Variants in LRRC7 observed in about 807,000 individuals in gnomAD.
LRRC7 encodes leucine rich repeat containing 7.
Under a neutral mutation model 175.7 loss-of-function variants are expected in LRRC7, and 23 were observed. That is an observed-to-expected ratio of 0.13 (90% confidence interval 0.09 to 0.19). LRRC7 has a LOEUF of 0.19. LRRC7 is among the 10% of genes least tolerant of loss of function. The probability of loss-of-function intolerance (pLI) is 1.00; values close to 1 mark genes in which losing one functional copy is unlikely to be tolerated. For synonymous variants in LRRC7, 685 were observed against 680.9 expected (o/e 1.01, Z -0.09); for missense variants, 1,354 against 1,904.7 (o/e 0.71, Z 5.38).
At chr1:69,859,332 T>G (rs571275689) in intron 7 of LRRC7, among the ~76,000 whole-genome samples, 1 of 152,266 alleles carries the variant, frequency 6.6e-6, no homozygotes, top group South Asian at 2.1e-4. Flanking sequence ...AGTAAGTACA[T>G]GCATCATGAT....
At chr1:70,093,732 A>T (rs17131194) in intron 25 of LRRC7, among the ~76,000 whole-genome samples, 3,873 of 152,298 alleles carry the variant, frequency 0.025, 193 homozygotes, top group African/African-American at 0.09. Context: ...CTAAGCAATT[A>T]TATAACTTGT....
intron 2 of LRRC7, among the ~76,000 whole-genome samples, chr1:69,738,954 G>A (rs1010222144): frequency 6.6e-6 from 1 of 151,988 alleles, no homozygotes; most frequent in African/African-American, 2.4e-5. Context: ...CCTTAAAGAG[G>A]AAAATCGGAC....
intron 1 of LRRC7, among the ~76,000 whole-genome samples, chr1:69,655,963 A>G (rs1278017220): frequency 6.6e-6 from 1 of 152,040 alleles, no homozygotes; most frequent in African/African-American, 2.4e-5. Flanking sequence ...TATTGAAATT[A>G]ATGTTTCATA....
chr1:69,664,351 T>C (rs187896760), intron 1 of LRRC7, among the ~76,000 whole-genome samples: 132 of 152,296 alleles, frequency 8.7e-4, no homozygotes, highest in Admixed American at 2.0e-3. Context: ...ATAAAGTAGC[T>C]GTTTTATTTT....
At chr1:69,747,443 T>G (rs927555999) in intron 2 of LRRC7, among the ~76,000 whole-genome samples, 2 of 152,078 alleles carry the variant, frequency 1.3e-5, no homozygotes, top group Non-Finnish European at 2.9e-5. Flanking sequence ...GTAATTATAG[T>G]GAAGATAGCA....
At chr1:69,715,632 T>A (rs913926856) in intron 2 of LRRC7, among the ~76,000 whole-genome samples, 1 of 152,048 alleles carries the variant, frequency 6.6e-6, no homozygotes, top group African/African-American at 2.4e-5. Flanking sequence ...CATTTAGTTT[T>A]GTTTTAATGA....
At chr1:69,682,194 C>A (rs989533481) in intron 2 of LRRC7, among the ~76,000 whole-genome samples, 5 of 152,112 alleles carry the variant, frequency 3.3e-5, no homozygotes, top group Non-Finnish European at 4.4e-5. Flanking sequence ...TCCCTCTTCT[C>A]AGGGAGAATT....
intron 3 of LRRC7, among the ~76,000 whole-genome samples, chr1:69,789,083 C>CT (rs985818146): frequency 3.9e-5 from 6 of 152,118 alleles, no homozygotes; most frequent in African/African-American, 1.4e-4. Context: ...ACTTTTGAGG[C>CT]TTTTTTCTTT....
chr1:69,699,782 A>G (rs1290115627), intron 2 of LRRC7, among the ~76,000 whole-genome samples: 2 of 152,100 alleles, frequency 1.3e-5, no homozygotes, highest in Admixed American at 6.6e-5. Context: ...AAACTCGCAC[A>G]TTTTTTGCTT....
intron 3 of LRRC7, among the ~76,000 whole-genome samples, chr1:69,780,156 T>C (rs1463946817): frequency 5.3e-5 from 8 of 152,322 alleles, no homozygotes; most frequent in African/African-American, 1.9e-4. Context: ...AGTCACTTCG[T>C]TGCATATGAA....
chr1:69,766,035 C>CAA (rs34620947), intron 3 of LRRC7, among the ~76,000 whole-genome samples: 5 of 129,354 alleles, frequency 3.9e-5, no homozygotes, highest in African/African-American at 1.4e-4. Context: ...ATCAACAGAC[C>CAA]AAAAAAAAAA....
chr1:69,760,417 T>C, intron 3 of LRRC7, 24 bp downstream of exon 3: 3 of 1,569,420 alleles, frequency 1.9e-6, no homozygotes, highest in Non-Finnish European at 2.6e-6. Context: ...ACCTAAAATA[T>C]ACAATGTAAA....
At chr1:69,609,239 T>A (rs1229134889) in intron 1 of LRRC7, among the ~76,000 whole-genome samples, 6 of 151,988 alleles carry the variant, frequency 3.9e-5, no homozygotes, top group Non-Finnish European at 8.8e-5. Flanking sequence ...GAAACTATGA[T>A]ATACTCCAGT....
At chr1:69,886,170 C>G in intron 7 of LRRC7, among the ~76,000 whole-genome samples, 1 of 151,846 alleles carries the variant, frequency 6.6e-6, no homozygotes, top group East Asian at 1.9e-4. Flanking sequence ...CCTGGGTATC[C>G]TTGTTAACTT....
chr1:69,768,962 A>T (rs565152494), intron 3 of LRRC7, among the ~76,000 whole-genome samples: 12 of 152,126 alleles, frequency 7.9e-5, no homozygotes, highest in Non-Finnish European at 1.5e-4. Flanking sequence ...ATGTTTGGGG[A>T]TGTGGGGTGG....
At position 70,135,913 on chromosome 1, in the gene LRRC7, T is replaced by C. The variant is rs1409741660; in HGVS notation, c.*14026T>C. 6.6e-6 allele frequency among the ~76,000 whole-genome samples: 1 copy of C among 152,222 alleles called. No individual in the cohort carries two copies. Among genetic ancestry groups the C allele is most frequent in the South Asian group, 2.1e-4 (1 of 4,830 alleles). On this transcript the variant is annotated 3_prime_UTR_variant, in exon 27 of 27. Transcript: ENST00000651989. ...TTGATAGGTTCTCACAGTCTCATTA[T>C]GATCAAGACAGATATTCTAGCAGGA... is the stretch of plus-strand genomic sequence containing the variant.
intron 2 of LRRC7, among the ~76,000 whole-genome samples, chr1:69,702,376 G>A (rs551719406): frequency 6.6e-6 from 1 of 152,286 alleles, no homozygotes; most frequent in Non-Finnish European, 1.5e-5. Flanking sequence ...TTTGTGATCA[G>A]CAACATTTTT....
chr1:69,748,012 T>C (rs1669441956), intron 2 of LRRC7, among the ~76,000 whole-genome samples: 1 of 152,182 alleles, frequency 6.6e-6, no homozygotes, highest in African/African-American at 2.4e-5. Flanking sequence ...CAGGCTTGTA[T>C]GTTTCATGAA....
chr1:69,674,221 G>A (rs574468487), intron 1 of LRRC7, among the ~76,000 whole-genome samples: 2 of 152,084 alleles, frequency 1.3e-5, no homozygotes, highest in East Asian at 3.9e-4. Flanking sequence ...TGAATCTCAG[G>A]TATTCACTCC....
Sources: gnomAD v4.1 joint callset for allele counts (sites outside exome capture counted in the v4.1 genomes callset) on GRCh38, gnomAD v4.1.1 for gene constraint, MANE v1.5 for transcripts, NCBI Gene and HGNC (gene_info 2026-07-23, HGNC 2026-07-21) for gene names.